Variants in KDM2A observed in about 807,000 individuals in gnomAD.
KDM2A encodes lysine-specific demethylase 2A.
Under a neutral mutation model 137.3 loss-of-function variants are expected in KDM2A, and 3 were observed. The observed-to-expected ratio is 0.02, with a 90% CI of 0.01 to 0.06. KDM2A has a LOEUF of 0.06. Among genes scored for constraint, KDM2A ranks in the 10% least tolerant of loss-of-function variants. The pLI is 1.00. For missense variants in KDM2A, 738 were observed against 1,510.6 expected, an observed-to-expected ratio of 0.49 and a Z score of 8.48; for synonymous variants, 512 against 541.5, an observed-to-expected ratio of 0.95 and a Z score of 0.76.
chr11:67,251,750 A>G (rs1331267861), intron 17 of KDM2A, among the ~76,000 whole-genome samples: 7 of 152,232 alleles, frequency 4.6e-5, no homozygotes, highest in Non-Finnish European at 7.3e-5. Flanking sequence ...TGCTTCTGCC[A>G]TAGAAGCTTC....
chr11:67,191,728 A>C (rs1857358813), intron 5 of KDM2A, among the ~76,000 whole-genome samples: 1 of 152,216 alleles, frequency 6.6e-6, no homozygotes. Context: ...ACCCTCAGTA[A>C]ATATCATACT....
intron 11 of KDM2A, among the ~76,000 whole-genome samples, chr11:67,230,194 A>G (rs567820997): frequency 1.3e-5 from 2 of 151,000 alleles, no homozygotes; most frequent in Non-Finnish European, 3.0e-5. Context: ...AAAAAAATAC[A>G]TCTAATAGAG....
intron 10 of KDM2A, among the ~76,000 whole-genome samples, chr11:67,225,191 A>C (rs1858502135): frequency 6.6e-6 from 1 of 151,528 alleles, no homozygotes; most frequent in African/African-American, 2.4e-5. Context: ...TTTTCACATC[A>C]CTCTAGTATA....
intron 2 of KDM2A, chr11:67,143,485 T>C (rs1221031339): frequency 1.3e-5 from 2 of 152,144 alleles, no homozygotes; most frequent in Non-Finnish European, 2.9e-5. Context: ...AGCAAATACC[T>C]GTGTAACTAC....
intron 5 of KDM2A, among the ~76,000 whole-genome samples, chr11:67,192,748 A>G (rs1469120174): frequency 6.6e-6 from 1 of 151,790 alleles, no homozygotes; most frequent in Non-Finnish European, 1.5e-5. Flanking sequence ...CCTGGCCTCC[A>G]TTTCTTGTCT....
chr11:67,122,046 A>G (rs1855609292), intron 2 of KDM2A, among the ~76,000 whole-genome samples: 1 of 152,192 alleles, frequency 6.6e-6, no homozygotes, highest in Admixed American at 6.6e-5. Context: ...GAGTTTTAAG[A>G]ATTCAATTTT....
At chr11:67,143,009 A>G (rs1003028255) in intron 2 of KDM2A, among the ~76,000 whole-genome samples, 1 of 147,370 alleles carries the variant, frequency 6.8e-6, no homozygotes, top group Non-Finnish European at 1.5e-5. Flanking sequence ...AGTTATATAT[A>G]TATATCTATT....
chr11:67,198,626 C>A (rs374404039), intron 5 of KDM2A, among the ~76,000 whole-genome samples: 2 of 150,000 alleles, frequency 1.3e-5, no homozygotes, highest in Non-Finnish European at 3.0e-5. Flanking sequence ...AGGAGAATGG[C>A]GTGAACCCGG....
In KDM2A at chr11:67,250,074, C is replaced by A; in HGVS notation, c.2056-12C>A. 1 of 1,564,750 alleles carries A rather than the reference C, an allele frequency of 6.4e-7. No homozygotes were observed. Among genetic ancestry groups the A allele is most frequent in the Non-Finnish European group, 8.7e-7 (1 of 1,155,078 alleles). On this transcript the variant is annotated splice_polypyrimidine_tract_variant and intron_variant, in intron 16 of 20. Transcript: ENST00000529006. This position sits in a 1 kb window ranked among gnomAD's most constrained non-coding sequence, Gnocchi z 7.1. ...GAAGCACTGATGTTGCTTTTCTGGG[C>A]CTGTTTTGCAGAAGCGGAAAATGGA...
rs1215353738 is a variant in KDM2A, at chr11:67,250,071, G to T, written c.2056-15G>T. On this transcript the variant is annotated splice_polypyrimidine_tract_variant and intron_variant, in intron 16 of 20. Coordinates refer to ENST00000529006, the MANE Select transcript of KDM2A (RefSeq NM_012308.3). This position sits in a 1 kb window ranked among gnomAD's most constrained non-coding sequence, Gnocchi z 7.1. ...AAGGAAGCACTGATGTTGCTTTTCT[G>T]GGCCTGTTTTGCAGAAGCGGAAAAT... The T allele has an allele frequency of 6.4e-7, 1 of 1,562,448 alleles. No individual in the cohort carries two copies. Among genetic ancestry groups the T allele is most frequent in the Non-Finnish European group, 8.7e-7 (1 of 1,153,808 alleles).
intron 5 of KDM2A, among the ~76,000 whole-genome samples, chr11:67,184,743 A>G (rs1035380644): frequency 1.6e-4 from 25 of 152,246 alleles, no homozygotes; most frequent in Non-Finnish European, 1.5e-4. Context: ...AAGCGACTGC[A>G]TATGCACATG....
chr11:67,230,658 A>AT (rs921786799), intron 11 of KDM2A, among the ~76,000 whole-genome samples: 2 of 151,996 alleles, frequency 1.3e-5, no homozygotes, highest in African/African-American at 4.8e-5. Flanking sequence ...AAAAAAAAAA[A>AT]CCCACATAAT....
At position 67,252,864 on chromosome 11, in the gene KDM2A, G is replaced by A; in HGVS notation, c.2932+7G>A. 1 of 1,599,534 alleles carries A rather than the reference G, an allele frequency of 6.3e-7. No individual in the cohort carries two copies. Among genetic ancestry groups the A allele is most frequent in the Non-Finnish European group, 8.5e-7 (1 of 1,170,826 alleles). On this transcript the variant is annotated splice_region_variant and intron_variant, in intron 18 of 20. Transcript: ENST00000529006. ...CTCGTCAATAGGCTGCCAGGTAAGT[G>A]AGCAGCCCTGCCGCTGTCTTTCCAG...
chr11:67,153,817 A>T (rs529928588), intron 2 of KDM2A, among the ~76,000 whole-genome samples: 5 of 151,656 alleles, frequency 3.3e-5, no homozygotes, highest in African/African-American at 4.8e-5. Flanking sequence ...CTGTCTCAAA[A>T]AAAAAAAAAA....
chr11:67,129,740 A>C (rs1855809084), intron 2 of KDM2A, among the ~76,000 whole-genome samples: 1 of 137,314 alleles, frequency 7.3e-6, no homozygotes, highest in African/African-American at 3.1e-5. Context: ...TCTCAAAAAA[A>C]AAAAAAAAAA....
intron 5 of KDM2A, among the ~76,000 whole-genome samples, chr11:67,204,495 CTTT>C (rs749577884): frequency 4.3e-5 from 6 of 140,452 alleles, no homozygotes; most frequent in East Asian, 2.0e-4. Flanking sequence ...TTTCTTTTTT[CTTT>C]TTTTTTTTTT....
chr11:67,134,634 A>G (rs889695595), intron 2 of KDM2A, among the ~76,000 whole-genome samples: 2 of 151,884 alleles, frequency 1.3e-5, no homozygotes, highest in African/African-American at 4.8e-5. Flanking sequence ...CCTCCTGAGT[A>G]GCTGGGATTA....
chr11:67,188,317 C>A (rs1857257598), intron 5 of KDM2A, among the ~76,000 whole-genome samples: 1 of 151,892 alleles, frequency 6.6e-6, no homozygotes, highest in African/African-American at 2.4e-5. Context: ...CCCGTCTCTA[C>A]TAAAAATACA....
intron 2 of KDM2A, among the ~76,000 whole-genome samples, chr11:67,160,792 A>G (rs570933970): frequency 6.6e-6 from 1 of 152,232 alleles, no homozygotes; most frequent in South Asian, 2.1e-4. Flanking sequence ...ACAAAAAAAA[A>G]ATGAGATAGA....
Sources: allele counts gnomAD v4.1 joint callset (sites outside exome capture counted in the v4.1 genomes callset), GRCh38; gene constraint gnomAD v4.1.1; non-coding constraint Gnocchi (gnomAD v3.1); transcripts MANE v1.5; gene names NCBI Gene and HGNC (gene_info 2026-07-23, HGNC 2026-07-21).